The following SARNP variants were observed in gnomAD, a reference collection of about 807,000 sequenced individuals.
SARNP encodes the protein SAP domain-containing ribonucleoprotein.
Under a neutral mutation model 38.1 loss-of-function variants are expected in SARNP, and 5 were observed. The observed-to-expected ratio is 0.13, with a 90% CI of 0.07 to 0.28. The LOEUF is 0.28. Among genes scored for constraint, SARNP ranks in the 10% least tolerant of loss-of-function variants. The probability of loss-of-function intolerance (pLI) is 1.00; values close to 1 mark genes in which losing one functional copy is unlikely to be tolerated. For missense variants in SARNP, 180 were observed against 243.9 expected, an observed-to-expected ratio of 0.74 and a Z score of 1.75; for synonymous variants, 84 against 80.6, an observed-to-expected ratio of 1.04 and a Z score of -0.23.
At chr12:55,809,546 G>C (rs1037560226) in intron 1 of SARNP, among the ~76,000 whole-genome samples, 3 of 151,978 alleles carry the variant, frequency 2.0e-5, no homozygotes, top group Admixed American at 1.3e-4. Context: ...CTTGAGCCTA[G>C]GAGTTCAAGA....
chr12:55,755,347 T>G (rs997771785), downstream of SARNP: 1 of 151,002 alleles, frequency 6.6e-6, no homozygotes. Context: ...CAGTTTAGAG[T>G]GAGAGTGGAA....
downstream of SARNP, chr12:55,757,209 TC>T (rs1878533268): frequency 4.4e-6 from 1 of 228,180 alleles, no homozygotes; most frequent in South Asian, 1.2e-4. Flanking sequence ...CCCCTGAAGC[TC>T]CCCTTATCTG....
At chr12:55,759,760 C>T (rs890372520) in intron 10 of SARNP, among the ~76,000 whole-genome samples, 1 of 151,396 alleles carries the variant, frequency 6.6e-6, no homozygotes, top group Admixed American at 6.6e-5. Flanking sequence ...TTTTTTGAGA[C>T]AGGGTCTCAC....
chr12:55,756,990 TCCC>T (rs1878524916), downstream of SARNP: 1 of 152,196 alleles, frequency 6.6e-6, no homozygotes, highest in African/African-American at 2.4e-5. Context: ...ACCTAAAACC[TCCC>T]ATGTTCTGTT....
chr12:55,784,809 T>C (rs1260954569), intron 9 of SARNP, among the ~76,000 whole-genome samples: 2 of 152,224 alleles, frequency 1.3e-5, no homozygotes, highest in Non-Finnish European at 2.9e-5. Flanking sequence ...TGATGGTTTA[T>C]GGGACAAAAC....
chr12:55,808,155 C>T (rs546878337), intron 1 of SARNP, among the ~76,000 whole-genome samples: 2 of 152,104 alleles, frequency 1.3e-5, no homozygotes, highest in East Asian at 1.9e-4. Context: ...TATACTAGGA[C>T]GTTATTTTAA....
intron 1 of SARNP, among the ~76,000 whole-genome samples, chr12:55,815,345 A>AT (rs929457342): frequency 1.3e-5 from 2 of 151,678 alleles, no homozygotes; most frequent in Admixed American, 6.6e-5. Context: ...CCCAGCCAAG[A>AT]TTTTTTTTTA....
chr12:55,796,591 T>C (rs1008455215), intron 4 of SARNP, among the ~76,000 whole-genome samples: 3 of 152,060 alleles, frequency 2.0e-5, no homozygotes, highest in South Asian at 2.1e-4. Context: ...TTAGTAGAGA[T>C]AGGGTTTCAC....
At chr12:55,771,628 T>C (rs970631638) in intron 9 of SARNP, among the ~76,000 whole-genome samples, 1 of 152,158 alleles carries the variant, frequency 6.6e-6, no homozygotes, top group African/African-American at 2.4e-5. Flanking sequence ...CAAAAGTCTT[T>C]TCCCTAGAGT....
chr12:55,779,735 G>A (rs1482466765), intron 9 of SARNP, among the ~76,000 whole-genome samples: 1 of 152,072 alleles, frequency 6.6e-6, no homozygotes, highest in East Asian at 1.9e-4. Flanking sequence ...TCTTATACAA[G>A]GGGGATACAT....
chr12:55,802,361 G>C (rs567674367), intron 2 of SARNP, among the ~76,000 whole-genome samples: 3 of 151,550 alleles, frequency 2.0e-5, no homozygotes, highest in Non-Finnish European at 4.4e-5. Flanking sequence ...TAGTATATAG[G>C]ATATAGTATA....
intron 2 of SARNP, among the ~76,000 whole-genome samples, chr12:55,802,160 T>A (rs1226745917): frequency 1.3e-5 from 2 of 152,108 alleles, no homozygotes; most frequent in Non-Finnish European, 2.9e-5. Flanking sequence ...CAAGAACCCT[T>A]ATGTACTAGT....
rs904789608 is a variant in SARNP at position 55,770,062 on chromosome 12, CAG to C, written c.502-9424_502-9423del. 2.4e-4 allele frequency among the ~76,000 whole-genome samples: 37 copies of C among 152,198 alleles called. 1 individual carries two copies. Among genetic ancestry groups the C allele is most frequent in the African/African-American group, 8.4e-4 (35 of 41,524 alleles). ...GAGATGAAAAGCAAACACACAGAAA[CAG>C]AGATAGGAATTTAGAAAGCAAGATG... On this transcript the variant is annotated intron_variant, in intron 9 of 10. Transcript: ENST00000336133.
At chr12:55,774,969 C>G (rs1879133021) in intron 9 of SARNP, among the ~76,000 whole-genome samples, 1 of 149,730 alleles carries the variant, frequency 6.7e-6, no homozygotes, top group Admixed American at 6.7e-5. Flanking sequence ...TCACTGCAAC[C>G]TCCACCTCCC....
At chr12:55,783,225 G>A (rs1355529265) in intron 9 of SARNP, among the ~76,000 whole-genome samples, 1 of 150,182 alleles carries the variant, frequency 6.7e-6, no homozygotes, top group Non-Finnish European at 1.5e-5. Context: ...AAAACAACCA[G>A]TCAAGCACAA....
chr12:55,768,518 G>A (rs538600234), intron 9 of SARNP, among the ~76,000 whole-genome samples: 4 of 151,646 alleles, frequency 2.6e-5, no homozygotes, highest in East Asian at 1.9e-4. Flanking sequence ...CCCACCTCCC[G>A]GGTTCATGAG....
At chr12:55,789,984 T>A (rs1231010786) in intron 8 of SARNP, among the ~76,000 whole-genome samples, 1 of 150,860 alleles carries the variant, frequency 6.6e-6, no homozygotes, top group Non-Finnish European at 1.5e-5. Flanking sequence ...GAAATTTTCA[T>A]TAATAATATT....
At chr12:55,792,148 T>C (rs903199756) in intron 7 of SARNP, among the ~76,000 whole-genome samples, 7 of 152,158 alleles carry the variant, frequency 4.6e-5, no homozygotes, top group African/African-American at 1.4e-4. Flanking sequence ...TCACCAATTA[T>C]ATCTCTCTTG....
intron 10 of SARNP, among the ~76,000 whole-genome samples, chr12:55,757,852 C>A (rs1372842154): frequency 6.6e-6 from 1 of 152,082 alleles, no homozygotes; most frequent in Admixed American, 6.6e-5. Flanking sequence ...GCAAAGAGAG[C>A]CACTCAGCCT....
Sources: allele counts gnomAD v4.1 joint callset (sites outside exome capture counted in the v4.1 genomes callset), GRCh38; gene constraint gnomAD v4.1.1; transcripts MANE v1.5; gene names NCBI Gene and HGNC (gene_info 2026-07-23, HGNC 2026-07-21).